ADAMTS12: variants seen among roughly 807,000 people sequenced by gnomAD.
ADAMTS12 encodes ADAM metallopeptidase with thrombospondin type 1 motif 12, also known as A disintegrin and metalloproteinase with thrombospondin motifs 12.
A neutral mutation model predicts 167.8 loss-of-function variants in ADAMTS12; 118 were observed. That is an observed-to-expected ratio of 0.70 (90% CI 0.61 to 0.82). The LOEUF is 0.82. Ranked by LOEUF, ADAMTS12 falls within the 40% of genes least tolerant of loss-of-function variation. The probability of loss-of-function intolerance (pLI) is 0.00; values close to 1 mark genes in which losing one functional copy is unlikely to be tolerated. For missense variants in ADAMTS12, 1,916 were observed against 1,998.8 expected, an observed-to-expected ratio of 0.96 and a Z score of 0.79; for synonymous variants, 704 against 716.9, an observed-to-expected ratio of 0.98 and a Z score of 0.29.
At chr5:33,586,445 T>C (rs541485687) in intron 18 of ADAMTS12, among the ~76,000 whole-genome samples, 24 of 152,350 alleles carry the variant, frequency 1.6e-4, no homozygotes, top group African/African-American at 4.6e-4. Flanking sequence ...AAACTGTCCA[T>C]GTGTGGTCCA....
At chr5:33,765,620 A>G (rs997410653) in intron 2 of ADAMTS12, among the ~76,000 whole-genome samples, 3 of 152,230 alleles carry the variant, frequency 2.0e-5, no homozygotes, top group Non-Finnish European at 4.4e-5. Flanking sequence ...AGCAAATGAC[A>G]GCCTGTCTGA....
At chr5:33,847,273 C>T (rs1260724020) in intron 2 of ADAMTS12, among the ~76,000 whole-genome samples, 2 of 152,120 alleles carry the variant, frequency 1.3e-5, no homozygotes, top group Non-Finnish European at 1.5e-5. Context: ...AGGGTAGCAC[C>T]TTCATGCAAG....
chr5:33,569,987 A>G (rs1746232192), intron 19 of ADAMTS12, among the ~76,000 whole-genome samples: 1 of 152,238 alleles, frequency 6.6e-6, no homozygotes, highest in African/African-American at 2.4e-5. Flanking sequence ...ACTGGAAGAA[A>G]GGGTATCAGT....
intron 19 of ADAMTS12, among the ~76,000 whole-genome samples, chr5:33,570,957 T>G (rs1245109252): frequency 6.6e-6 from 1 of 151,242 alleles, no homozygotes; most frequent in African/African-American, 2.4e-5. Flanking sequence ...TAGTCTCTGA[T>G]AAAACAGACT....
chr5:33,891,149 G>A (rs1750827823), intron 1 of ADAMTS12, among the ~76,000 whole-genome samples: 1 of 152,078 alleles, frequency 6.6e-6, no homozygotes, highest in South Asian at 2.1e-4. Flanking sequence ...AGCCAGCTGT[G>A]GTCAGTGAGA....
chr5:33,543,761 C>A (rs1484124631), intron 22 of ADAMTS12, among the ~76,000 whole-genome samples: 1 of 152,086 alleles, frequency 6.6e-6, no homozygotes, highest in Admixed American at 6.6e-5. Flanking sequence ...CAACAAAAAC[C>A]ACATGATTGT....
At chr5:33,744,142 G>A (rs4866383) in intron 3 of ADAMTS12, among the ~76,000 whole-genome samples, 96,373 of 152,096 alleles carry the variant, frequency 0.63, 32,195 homozygotes, top group Non-Finnish European at 0.75. Context: ...AAGCAGACAT[G>A]ATTCCTGTCC....
intron 2 of ADAMTS12, among the ~76,000 whole-genome samples, chr5:33,756,571 G>A (rs1745174217): frequency 6.6e-6 from 1 of 152,130 alleles, no homozygotes; most frequent in South Asian, 2.1e-4. Flanking sequence ...AAAGAGAGGT[G>A]GGAGTAGGAC....
At chr5:33,610,042 G>A (rs556429416) in intron 16 of ADAMTS12, among the ~76,000 whole-genome samples, 2 of 152,242 alleles carry the variant, frequency 1.3e-5, no homozygotes, top group South Asian at 4.2e-4. Flanking sequence ...AGCCAGGCAT[G>A]GTGGCGCATG....
At chr5:33,693,479 A>G (rs10075428) in intron 3 of ADAMTS12, among the ~76,000 whole-genome samples, 34,142 of 152,168 alleles carry the variant, frequency 0.22, 4,005 homozygotes, top group East Asian at 0.42. Context: ...TCATAAAAAT[A>G]AAATGTCCTA....
chr5:33,721,237 CG>C (rs1743794662), intron 3 of ADAMTS12, among the ~76,000 whole-genome samples: 1 of 152,140 alleles, frequency 6.6e-6, no homozygotes, highest in African/African-American at 2.4e-5. Context: ...AAAGAGGCCC[CG>C]GAGAGTCTTC....
intron 19 of ADAMTS12, among the ~76,000 whole-genome samples, chr5:33,571,514 T>C (rs1468676051): frequency 6.6e-6 from 1 of 151,880 alleles, no homozygotes; most frequent in African/African-American, 2.4e-5. Flanking sequence ...CATAACGAAA[T>C]GAAGGCAGAA....
At chr5:33,725,173 T>A (rs568273355) in intron 3 of ADAMTS12, among the ~76,000 whole-genome samples, 2 of 152,316 alleles carry the variant, frequency 1.3e-5, no homozygotes, top group African/African-American at 4.8e-5. Flanking sequence ...CAGCTCCCGA[T>A]ATGATTCTGT....
intron 13 of ADAMTS12, among the ~76,000 whole-genome samples, chr5:33,625,913 G>A (rs148153180): frequency 6.6e-6 from 1 of 152,192 alleles, no homozygotes; most frequent in Non-Finnish European, 1.5e-5. Context: ...CAGGGGAAAA[G>A]AAACAAACCT....
chr5:33,542,024 A>G (rs1744725210), intron 22 of ADAMTS12, among the ~76,000 whole-genome samples: 1 of 152,208 alleles, frequency 6.6e-6, no homozygotes, highest in Non-Finnish European at 1.5e-5. Context: ...AAATGCCCCA[A>G]TTAAAAGACA....
At chr5:33,663,635 C>T (rs1741350731) in intron 5 of ADAMTS12, among the ~76,000 whole-genome samples, 1 of 152,184 alleles carries the variant, frequency 6.6e-6, no homozygotes. Context: ...ATCAAGATCA[C>T]TTAGCTCAGA....
In ADAMTS12 at chr5:33,736,301, G is replaced by C. The variant is rs148651293; in HGVS notation, c.634+15103C>G. On this transcript the variant is annotated intron_variant, in intron 3 of 23. Transcript: ENST00000504830. ...TGGTCTCGAACTCCTGACCTCAGTT[G>C]ATCCACCTGGCTTGGCCTCCCAAAA... 8.7e-3 allele frequency among the ~76,000 whole-genome samples: 1,328 copies of C among 152,220 alleles called. 19 individuals carry two copies. The highest frequency in any genetic ancestry group is 0.031 in the African/African-American group (1,284 of 41,528).
In ADAMTS12 at chr5:33,700,927, G is replaced by A. The variant is rs530695077; in HGVS notation, c.635-16872C>T. ...ATAATAGCTTAAACAAAACCTACAC[G>A]TAAATCTCCAAATTCCTAGTGCAGA... On this transcript the variant is annotated intron_variant, in intron 3 of 23. Coordinates refer to ENST00000504830, the MANE Select transcript of ADAMTS12 (RefSeq NM_030955.4). Among the ~76,000 whole-genome samples the A allele has an allele frequency of 9.9e-5, 15 of 152,206 alleles. No homozygotes were observed. In the South Asian group the frequency reaches 1.2e-3, roughly 13 times the overall value.
intron 5 of ADAMTS12, among the ~76,000 whole-genome samples, chr5:33,664,975 C>G (rs1448774664): frequency 2.0e-5 from 3 of 151,860 alleles, no homozygotes; most frequent in Admixed American, 2.0e-4. Flanking sequence ...AACAAACGTG[C>G]CCACCCAACA....
Sources: gnomAD v4.1 joint callset for allele counts (sites outside exome capture counted in the v4.1 genomes callset) on GRCh38, gnomAD v4.1.1 for gene constraint, MANE v1.5 for transcripts, NCBI Gene and HGNC (gene_info 2026-07-23, HGNC 2026-07-21) for gene names.